SIPA1L2: variants seen among roughly 807,000 people sequenced by gnomAD.
SIPA1L2 encodes the protein signal induced proliferation associated 1 like 2, also known as signal-induced proliferation-associated 1-like protein 2.
Under a neutral mutation model 163.9 loss-of-function variants are expected in SIPA1L2, and 56 were observed. The ratio of observed to expected loss-of-function variants is 0.34; its 90% CI spans 0.28 to 0.43. The LOEUF (loss-of-function observed/expected upper bound fraction) is 0.43. SIPA1L2 is among the 20% of genes least tolerant of loss of function. SIPA1L2 has a pLI of 1.00. For missense variants in SIPA1L2, 1,974 were observed against 2,193.5 expected (o/e 0.90, Z 2.00); for synonymous variants, 877 against 865.7 (o/e 1.01, Z -0.23).
At chr1:232,591,586 G>C (rs1282975361) in intron 1 of SIPA1L2, among the ~76,000 whole-genome samples, 1 of 152,252 alleles carries the variant, frequency 6.6e-6, no homozygotes, top group Admixed American at 6.5e-5. Context: ...CTTTTGTTGT[G>C]TGTTGCCTTT....
intron 10 of SIPA1L2, among the ~76,000 whole-genome samples, chr1:232,452,499 G>A (rs1208639434): frequency 6.6e-6 from 1 of 152,126 alleles, no homozygotes; most frequent in East Asian, 1.9e-4. Context: ...AGGCCCCCAA[G>A]ATGGCATCCA....
Position 232,432,546 on chromosome 1 carries a change from C to T in SIPA1L2, c.4032-75G>A, listed in dbSNP as rs1479366915. The T allele has an allele frequency of 7.8e-6, 11 of 1,410,898 alleles. No homozygotes were observed. The Admixed American group carries it at 9.3e-5, about 12-fold the overall frequency. The allele number at this position is 1,410,898 out of a possible 1,614,324, so 87.4% of individuals were successfully genotyped here. A position where few individuals can be genotyped will look rare whatever the true frequency, so the allele number is the denominator to read the frequency against. On this transcript the variant is annotated intron_variant, in intron 15 of 22. Transcript: ENST00000674635. ...GCTGGCACACGGCCAAATTCAGAGCCACAAGGCTTTACTCAAGTCTTTCTC... is the reference window on the plus strand; with the variant it reads ...GCTGGCACACGGCCAAATTCAGAGCTACAAGGCTTTACTCAAGTCTTTCTC...
chr1:232,415,439 T>C, intron 19 of SIPA1L2, 55 bp downstream of exon 19: 2 of 1,544,596 alleles, frequency 1.3e-6, no homozygotes, highest in Non-Finnish European at 1.7e-6. Context: ...GCACAGGCCC[T>C]GCAGGAAAGC....
intron 12 of SIPA1L2, 104 bp downstream of exon 12, chr1:232,443,498 C>T: frequency 1.3e-6 from 1 of 792,758 alleles, no homozygotes. Context: ...TTATTATATT[C>T]CCCACATGGC....
At chr1:232,584,721 T>C (rs1660564279) in intron 1 of SIPA1L2, among the ~76,000 whole-genome samples, 1 of 152,224 alleles carries the variant, frequency 6.6e-6, no homozygotes, top group Non-Finnish European at 1.5e-5. Context: ...GTATCCATTC[T>C]CAGATGAACT....
chr1:232,533,279 C>T (rs1657096065), intron 2 of SIPA1L2, among the ~76,000 whole-genome samples: 1 of 152,196 alleles, frequency 6.6e-6, no homozygotes, highest in Non-Finnish European at 1.5e-5. Flanking sequence ...AAATATAAAA[C>T]ATTACACAAG....
intron 2 of SIPA1L2, among the ~76,000 whole-genome samples, chr1:232,567,019 T>C (rs745648477): frequency 2.6e-5 from 4 of 152,198 alleles, no homozygotes; most frequent in Non-Finnish European, 4.4e-5. Context: ...TAAGACCACA[T>C]TCTGAAATTA....
intron 2 of SIPA1L2, among the ~76,000 whole-genome samples, chr1:232,565,123 T>C (rs1051613843): frequency 6.6e-6 from 1 of 152,198 alleles, no homozygotes; most frequent in Non-Finnish European, 1.5e-5. Context: ...TGTCTAACAG[T>C]TGATTTTTCA....
At chr1:232,601,238 C>CTATG in intron 1 of SIPA1L2, among the ~76,000 whole-genome samples, 1 of 152,284 alleles carries the variant, frequency 6.6e-6, no homozygotes, top group Middle Eastern at 3.4e-3. Context: ...CTCAAAAAGC[C>CTATG]TATGTGCCCA....
Position 232,432,585 on chromosome 1 carries a change from G to C in SIPA1L2, c.4032-114C>G, listed in dbSNP as rs924234171. The C allele has an allele frequency of 8.3e-6, 8 of 960,868 alleles. No homozygotes were observed. The African/African-American group carries it at 1.3e-4, about 16-fold the overall frequency. The allele number at this position is 960,868 out of a possible 1,614,324, so 59.5% of individuals were successfully genotyped here. A position where few individuals can be genotyped will look rare whatever the true frequency, so the allele number is the denominator to read the frequency against. On this transcript the variant is annotated intron_variant, in intron 15 of 22. Transcript: ENST00000674635. The stretch of plus-strand genomic sequence containing the variant: ...CAAGTCTTTCTCCGAGAGCAAAATC[G>C]GGCCCAGTGAGGCAGATGGAGCCTT...
chr1:232,629,700 C>T (rs1474848163), intron 1 of SIPA1L2, among the ~76,000 whole-genome samples, 169 bp downstream of exon 1: 1 of 152,100 alleles, frequency 6.6e-6, no homozygotes, highest in Non-Finnish European at 1.5e-5. Flanking sequence ...ACAAGCCGGA[C>T]CCTGCGCCGC....
At chr1:232,443,151 C>T (rs1663003824) in intron 12 of SIPA1L2, among the ~76,000 whole-genome samples, 1 of 152,210 alleles carries the variant, frequency 6.6e-6, no homozygotes, top group Admixed American at 6.5e-5. Context: ...TCCTCAGGCT[C>T]TGCCTGAGCT....
intron 2 of SIPA1L2, among the ~76,000 whole-genome samples, chr1:232,546,263 T>A (rs12064604): frequency 1.6e-4 from 24 of 152,184 alleles, no homozygotes; most frequent in African/African-American, 4.6e-4. Context: ...CTTCTCTAGA[T>A]AAAGGATTTT....
chr1:232,508,992 T>C lies in SIPA1L2; in HGVS notation c.1483+4865A>G, dbSNP rs185201139. ...CTGTAATCCCAGCTACTTGGGAGGC[T>C]GAGGCAGGAGAATTGCTTGAACCCG... On this transcript the variant is annotated intron_variant, in intron 3 of 22. Coordinates refer to ENST00000674635, the MANE Select transcript of SIPA1L2 (RefSeq NM_020808.5). 6.7e-3 allele frequency among the ~76,000 whole-genome samples: 1,025 copies of C among 152,338 alleles called. 15 individuals carry two copies. Among genetic ancestry groups the C allele is most frequent in the African/African-American group, 0.024 (982 of 41,584 alleles).
At chr1:232,585,409 G>C (rs1161629527) in intron 1 of SIPA1L2, among the ~76,000 whole-genome samples, 2 of 152,140 alleles carry the variant, frequency 1.3e-5, no homozygotes, top group East Asian at 3.9e-4. Context: ...GAACAATTCA[G>C]ACCTCATTAT....
At chr1:232,542,255 T>G (rs970412597) in intron 2 of SIPA1L2, among the ~76,000 whole-genome samples, 1 of 152,200 alleles carries the variant, frequency 6.6e-6, no homozygotes, top group Non-Finnish European at 1.5e-5. Context: ...TACAATTATT[T>G]CCAGGATACT....
chr1:232,483,681 G>T, intron 6 of SIPA1L2, 111 bp downstream of exon 6: 1 of 1,169,442 alleles, frequency 8.6e-7, no homozygotes, highest in Non-Finnish European at 1.2e-6. Context: ...AGCTTTCTAG[G>T]CTGCTTCTGG....
intron 8 of SIPA1L2, among the ~76,000 whole-genome samples, chr1:232,468,963 C>T (rs1664662416): frequency 6.6e-6 from 1 of 152,184 alleles, no homozygotes; most frequent in Admixed American, 6.5e-5. Context: ...TGCCTCATTT[C>T]TCCTAGTTCC....
chr1:232,408,391 T>G (rs1660764483), intron 19 of SIPA1L2, among the ~76,000 whole-genome samples: 1 of 152,168 alleles, frequency 6.6e-6, no homozygotes, highest in African/African-American at 2.4e-5. Flanking sequence ...TTAATTCTTT[T>G]TAATAACTTT....
Sources: allele counts gnomAD v4.1 joint callset (sites outside exome capture counted in the v4.1 genomes callset), GRCh38; gene constraint gnomAD v4.1.1; transcripts MANE v1.5; gene names NCBI Gene and HGNC (gene_info 2026-07-23, HGNC 2026-07-21).